Variants in OSBPL10 observed in about 807,000 individuals in gnomAD.
OSBPL10 encodes oxysterol-binding protein-related protein 10.
OSBPL10 carries 49 observed loss-of-function variants against 81.7 expected under a neutral mutation model. That is an observed-to-expected ratio of 0.60 (90% CI 0.48 to 0.76). The LOEUF (loss-of-function observed/expected upper bound fraction) is 0.76, where lower values mean the gene tolerates loss of function less well. OSBPL10 is among the 30% of genes least tolerant of loss of function. The pLI is 0.00. For missense variants in OSBPL10, 923 were observed against 987.8 expected (o/e 0.93, Z 0.88); for synonymous variants, 419 against 383.6 (o/e 1.09, Z -1.08).
At chr3:31,943,601 ATG>A (rs1697598782) in intron 1 of OSBPL10, among the ~76,000 whole-genome samples, 2 of 152,176 alleles carry the variant, frequency 1.3e-5, no homozygotes, top group Non-Finnish European at 2.9e-5. Context: ...ACAGACATAC[ATG>A]GATATTTTAA....
At position 31,733,278 on chromosome 3, in the gene OSBPL10, T is replaced by C. The variant is rs1697032112; in HGVS notation, c.1074A>G (p.Gln358=). 1 of 1,613,048 alleles carries C rather than the reference T, an allele frequency of 6.2e-7. No homozygotes were observed. The highest frequency in any genetic ancestry group is 1.7e-5 in the Admixed American group (1 of 59,694). ...TTACCTCTGGCTCTGGCTGTGAGGT[T>C]TGTTCGTCTTCAGCAGAGTTTGGTA... ...AILPNSAEDE[Q]TSQPEPEPNS... The change falls in exon 6 of 12, where the codon CAA becomes CAG. Residue 358 remains glutamine (Q), a synonymous_variant. Transcript: ENST00000396556.
intron 2 of OSBPL10, among the ~76,000 whole-genome samples, chr3:31,995,733 A>T (rs1391645475): frequency 6.6e-6 from 1 of 152,196 alleles, no homozygotes; most frequent in African/African-American, 2.4e-5. Flanking sequence ...TGTCCATGAA[A>T]TCTTCACAAT....
chr3:31,897,931 C>A (rs78386997), intron 1 of OSBPL10, among the ~76,000 whole-genome samples: 2 of 140,114 alleles, frequency 1.4e-5, no homozygotes, highest in African/African-American at 2.6e-5. Flanking sequence ...TTGCTTGAAC[C>A]TGGTAGGAGG....
chr3:31,749,802 G>A (rs9830386), intron 4 of OSBPL10, among the ~76,000 whole-genome samples: 2,022 of 149,382 alleles, frequency 0.014, 49 homozygotes, highest in African/African-American at 0.048. Flanking sequence ...GTGACAGAGT[G>A]AGACGCCATC....
intron 4 of OSBPL10, among the ~76,000 whole-genome samples, chr3:31,796,348 A>C (rs761149602): frequency 3.3e-5 from 5 of 152,240 alleles, no homozygotes; most frequent in Non-Finnish European, 2.9e-5. Context: ...TAGTGAAATA[A>C]ATTTTAGAAA....
intron 7 of OSBPL10, among the ~76,000 whole-genome samples, chr3:31,700,144 AAAGT>A (rs10580141): frequency 0.62 from 93,362 of 151,492 alleles, 29,948 homozygotes; most frequent in Middle Eastern, 0.72. Flanking sequence ...TCTTCCAAGT[AAAGT>A]AAGTTAATAA....
chr3:31,723,258 A>G (rs1332689994), intron 6 of OSBPL10, among the ~76,000 whole-genome samples: 6 of 152,160 alleles, frequency 3.9e-5, no homozygotes, highest in Non-Finnish European at 4.4e-5. Flanking sequence ...CTGTTATCTG[A>G]GAGAGAGAAA....
At chr3:31,768,862 C>T (rs1417219985) in intron 4 of OSBPL10, among the ~76,000 whole-genome samples, 1 of 152,188 alleles carries the variant, frequency 6.6e-6, no homozygotes, top group Non-Finnish European at 1.5e-5. Flanking sequence ...CCTCAGCATT[C>T]ACATTGGGTA....
intron 4 of OSBPL10, among the ~76,000 whole-genome samples, chr3:31,809,510 T>C (rs1449434667): frequency 6.6e-6 from 1 of 152,174 alleles, no homozygotes; most frequent in Non-Finnish European, 1.5e-5. Context: ...ATGTATAAAT[T>C]TAATGCACTC....
intron 1 of OSBPL10, among the ~76,000 whole-genome samples, chr3:31,940,000 C>T (rs919869309): frequency 6.6e-6 from 1 of 152,180 alleles, no homozygotes; most frequent in African/African-American, 2.4e-5. Flanking sequence ...GGACTATAGG[C>T]ATAAGCCACT....
At chr3:31,777,059 G>A (rs142823828) in intron 4 of OSBPL10, among the ~76,000 whole-genome samples, 1 of 152,292 alleles carries the variant, frequency 6.6e-6, no homozygotes, top group African/African-American at 2.4e-5. Flanking sequence ...AGATTTAAAT[G>A]TTGTTTACTA....
chr3:31,699,693 A>G (rs1695835328), intron 7 of OSBPL10, among the ~76,000 whole-genome samples: 1 of 152,194 alleles, frequency 6.6e-6, no homozygotes, highest in African/African-American at 2.4e-5. Context: ...CAGGTCAAAC[A>G]TCCACGAACC....
At chr3:31,685,661 T>C (rs2125553140) in intron 7 of OSBPL10, among the ~76,000 whole-genome samples, 1 of 152,248 alleles carries the variant, frequency 6.6e-6, no homozygotes, top group Non-Finnish European at 1.5e-5. Flanking sequence ...TGGTTTACAA[T>C]CTCTCTTTAC....
At chr3:31,699,289 T>C (rs1306818419) in intron 7 of OSBPL10, among the ~76,000 whole-genome samples, 3 of 152,290 alleles carry the variant, frequency 2.0e-5, no homozygotes, top group South Asian at 2.1e-4. Flanking sequence ...ACATGGCCCA[T>C]AGGCTCTGCA....
At chr3:31,820,258 T>C (rs1462033244) in intron 4 of OSBPL10, among the ~76,000 whole-genome samples, 3 of 152,094 alleles carry the variant, frequency 2.0e-5, no homozygotes, top group East Asian at 3.8e-4. Context: ...ATTAATAAAG[T>C]CATGCCCTTA....
At chr3:31,786,577 C>T (rs938358215) in intron 4 of OSBPL10, among the ~76,000 whole-genome samples, 1 of 152,086 alleles carries the variant, frequency 6.6e-6, no homozygotes, top group Non-Finnish European at 1.5e-5. Flanking sequence ...TCCCTGCAGC[C>T]CTTTTACAAG....
chr3:31,799,569 G>A (rs958860333), intron 4 of OSBPL10, among the ~76,000 whole-genome samples: 1 of 152,086 alleles, frequency 6.6e-6, no homozygotes, highest in African/African-American at 2.4e-5. Context: ...GCTCATGGAG[G>A]TGTTGGTGAA....
chr3:31,953,374 A>C (rs1229636254), intron 1 of OSBPL10, among the ~76,000 whole-genome samples: 2 of 151,716 alleles, frequency 1.3e-5, no homozygotes, highest in Non-Finnish European at 2.9e-5. Flanking sequence ...CACACACACA[A>C]AGAGTGGGCA....
chr3:31,664,280 G>GCAAGCTAACGGAACTCTGCCAGGAGC, intron 10 of OSBPL10, 48 bp from the exon 11 acceptor site: 1 of 1,593,638 alleles, frequency 6.3e-7, no homozygotes. Flanking sequence ...CCAGCTGGCT[G>GCAAGCTAACGGAACTCTGCCAGGAGC]CAAGCTAACG....
Sources: allele counts gnomAD v4.1 joint callset (sites outside exome capture counted in the v4.1 genomes callset), GRCh38; gene constraint gnomAD v4.1.1; transcripts MANE v1.5; gene names NCBI Gene and HGNC (gene_info 2026-07-23, HGNC 2026-07-21).